Variants in GMEB1 observed in about 807,000 individuals in gnomAD.
GMEB1 encodes glucocorticoid modulatory element-binding protein 1.
A neutral mutation model predicts 52.4 loss-of-function variants in GMEB1; 6 were observed. The observed-to-expected ratio is 0.11, with a 90% confidence interval of 0.06 to 0.23. The LOEUF is 0.23. Among genes scored for constraint, GMEB1 ranks in the 10% least tolerant of loss-of-function variants. GMEB1 has a pLI of 1.00. For synonymous variants in GMEB1, 255 were observed against 244.9 expected (o/e 1.04, Z -0.38); for missense variants, 486 against 685.6 (o/e 0.71, Z 3.25).
chr1:28,686,890 T>C (rs1455480995), intron 2 of GMEB1, among the ~76,000 whole-genome samples: 1 of 152,068 alleles, frequency 6.6e-6, no homozygotes, highest in African/African-American at 2.4e-5. Flanking sequence ...TCTTAGCCTG[T>C]GCTCAAGGGG....
chr1:28,680,925 T>A (rs912192135), intron 1 of GMEB1, among the ~76,000 whole-genome samples: 2 of 151,934 alleles, frequency 1.3e-5, no homozygotes, highest in Non-Finnish European at 2.9e-5. Context: ...ATGCCTGTAA[T>A]CCCAGCTACT....
At chr1:28,673,748 T>C (rs1357196465) in intron 1 of GMEB1, among the ~76,000 whole-genome samples, 1 of 152,150 alleles carries the variant, frequency 6.6e-6, no homozygotes, top group African/African-American at 2.4e-5. Flanking sequence ...GCACAGTCGC[T>C]CAGGTCTTTA....
chr1:28,688,094 G>A (rs906400697), intron 2 of GMEB1, among the ~76,000 whole-genome samples: 3 of 152,138 alleles, frequency 2.0e-5, no homozygotes, highest in Non-Finnish European at 4.4e-5. Flanking sequence ...AGACCAGCCT[G>A]ACCAACATGG....
chr1:28,688,189 A>G (rs373220295), intron 2 of GMEB1, among the ~76,000 whole-genome samples: 46 of 152,296 alleles, frequency 3.0e-4, no homozygotes, highest in African/African-American at 1.1e-3. Flanking sequence ...AGGCTGAGGC[A>G]GGAGAATCGC....
chr1:28,711,157 G>A (rs542048202), intron 9 of GMEB1, among the ~76,000 whole-genome samples: 6 of 151,944 alleles, frequency 3.9e-5, no homozygotes, highest in East Asian at 3.9e-4. Context: ...GTGGTGGCGC[G>A]TGCCTGTAGC....
chr1:28,696,149 C>A (rs892193217), intron 5 of GMEB1, among the ~76,000 whole-genome samples: 2 of 151,648 alleles, frequency 1.3e-5, no homozygotes, highest in Non-Finnish European at 2.9e-5. Context: ...CTTACTGCAA[C>A]CTCAGCTTCC....
At chr1:28,674,644 C>T (rs908867534) in intron 1 of GMEB1, among the ~76,000 whole-genome samples, 3 of 151,596 alleles carry the variant, frequency 2.0e-5, no homozygotes, top group African/African-American at 7.3e-5. Flanking sequence ...ATCTGACTGC[C>T]TGGTCCTCCC....
chr1:28,672,912 T>G (rs1199990719), intron 1 of GMEB1, among the ~76,000 whole-genome samples: 10 of 151,208 alleles, frequency 6.6e-5, no homozygotes, highest in Non-Finnish European at 1.2e-4. Flanking sequence ...ATAATTTTTT[T>G]TTTTTTGAGT....
At chr1:28,670,474 C>T (rs547003837) in intron 1 of GMEB1, among the ~76,000 whole-genome samples, 2 of 152,266 alleles carry the variant, frequency 1.3e-5, no homozygotes, top group East Asian at 3.9e-4. Context: ...GCTACAGGCG[C>T]CCGCCACCAC....
intron 1 of GMEB1, among the ~76,000 whole-genome samples, chr1:28,678,334 C>G (rs181952503): frequency 6.6e-6 from 1 of 151,924 alleles, no homozygotes. Context: ...TTTTTTGAGA[C>G]GGAGTCTCGC....
intron 2 of GMEB1, among the ~76,000 whole-genome samples, chr1:28,688,696 A>G (rs1270790253): frequency 6.6e-6 from 1 of 151,928 alleles, no homozygotes; most frequent in African/African-American, 2.4e-5. Context: ...AATGCTAAAA[A>G]CAAACAAACA....
rs1383520240 is a variant in GMEB1 at position 28,714,566 on chromosome 1, C to T, written c.1485C>T (p.Thr495=). The change falls in exon 10 of 10, where the codon ACC becomes ACT. Residue 495 remains threonine (T), a synonymous_variant. Transcript: ENST00000373816. ...TGGTGGCCATGGAGTCCGGCCTAAC[C>T]TCGGCAATTCAGGCTGTTGAAAGCA... ...VELVAMESGL[T]SAIQAVESTS... The T allele has an allele frequency of 6.2e-6, 10 of 1,614,170 alleles. No homozygotes were observed. The highest frequency in any genetic ancestry group is 7.6e-6 in the Non-Finnish European group (9 of 1,180,024).
intron 2 of GMEB1, among the ~76,000 whole-genome samples, chr1:28,688,056 G>A (rs1012134728): frequency 1.3e-5 from 2 of 152,098 alleles, no homozygotes; most frequent in South Asian, 2.1e-4. Context: ...AGGCGGAGGT[G>A]GGCAGATCAC....
Position 28,710,590 on chromosome 1 carries a change from C to T in GMEB1, c.939C>T (p.Asn313=). The change falls in exon 9 of 10, where the codon AAC becomes AAT. Residue 313 remains asparagine (N), a synonymous_variant. Coordinates refer to ENST00000373816, the MANE Select transcript of GMEB1 (RefSeq NM_001319674.2). ...ACACAGTCAAGAAGGTTTTAGACAA[C>T]AGAAGGAACCAAGTAGAGCAGGGAG... ...LMDTVKKVLD[N]RRNQVEQGEE... 6.2e-7 allele frequency: 1 copy of T among 1,609,892 alleles called. No homozygotes were observed. Among genetic ancestry groups the T allele is most frequent in the Non-Finnish European group, 8.5e-7 (1 of 1,177,360 alleles).
intron 6 of GMEB1, among the ~76,000 whole-genome samples, chr1:28,701,748 CTG>C (rs1557516407): frequency 1.1e-4 from 16 of 151,936 alleles, no homozygotes. Flanking sequence ...TTTATAGAAA[CTG>C]GGTTTTGCTA....
At position 28,683,594 on chromosome 1, in the gene GMEB1, A is replaced by G. The variant is rs773557591; in HGVS notation, c.-19A>G. ...CTTGTTCCCGACAGCAGTCCCAGCT[A>G]TCTGACTTCATGTGAAAGATGGCTA... On this transcript the variant is annotated 5_prime_UTR_variant, in exon 2 of 10. Coordinates refer to ENST00000373816, the MANE Select transcript of GMEB1 (RefSeq NM_001319674.2). 1.3e-5 allele frequency: 20 copies of G among 1,590,032 alleles called. No homozygotes were observed. Among genetic ancestry groups the G allele is most frequent in the African/African-American group, 1.1e-4 (8 of 73,446 alleles).
At chr1:28,680,708 C>T (rs1253502543) in intron 1 of GMEB1, among the ~76,000 whole-genome samples, 1 of 150,888 alleles carries the variant, frequency 6.6e-6, no homozygotes, top group East Asian at 1.9e-4. Flanking sequence ...GCACTCCAGT[C>T]TGGGGAACAC....
At chr1:28,677,699 G>C (rs149824452) in intron 1 of GMEB1, among the ~76,000 whole-genome samples, 220 of 152,190 alleles carry the variant, frequency 1.4e-3, no homozygotes, top group African/African-American at 4.9e-3. Context: ...ATATTTATGG[G>C]TTCAGTTATT....
chr1:28,684,771 G>A (rs1303973753), intron 2 of GMEB1, among the ~76,000 whole-genome samples: 1 of 151,934 alleles, frequency 6.6e-6, no homozygotes, highest in Non-Finnish European at 1.5e-5. Context: ...GGAACCTAGA[G>A]GACGAGTCAA....
Sources: allele counts gnomAD v4.1 joint callset (sites outside exome capture counted in the v4.1 genomes callset), GRCh38; gene constraint gnomAD v4.1.1; transcripts MANE v1.5; gene names NCBI Gene and HGNC (gene_info 2026-07-23, HGNC 2026-07-21).